Variants in TBC1D23 observed in about 807,000 individuals in gnomAD.
The protein encoded by TBC1D23 is TBC1 domain family member 23, also known as HCV non-structural protein 4A-transactivated protein 1.
In TBC1D23, 55 loss-of-function variants were observed where a neutral mutation model predicts 91.4. The ratio of observed to expected loss-of-function variants is 0.60; its 90% confidence interval spans 0.48 to 0.75. The LOEUF is 0.75. Ranked by LOEUF, TBC1D23 falls within the 30% of genes least tolerant of loss-of-function variation. The pLI, the probability that TBC1D23 is intolerant of heterozygous loss-of-function variation, is 0.00. For missense variants in TBC1D23, 725 were observed against 836.1 expected (o/e 0.87, Z 1.64); for synonymous variants, 289 against 281.0 (o/e 1.03, Z -0.28).
At chr3:100,283,296 A>G (rs1245111336) in intron 3 of TBC1D23, among the ~76,000 whole-genome samples, 1 of 151,892 alleles carries the variant, frequency 6.6e-6, no homozygotes, top group Non-Finnish European at 1.5e-5. Context: ...ATCACTTGAA[A>G]TCGGGAGGTG....
At chr3:100,301,162 C>T (rs1467855083) in intron 10 of TBC1D23, among the ~76,000 whole-genome samples, 4 of 151,038 alleles carry the variant, frequency 2.6e-5, no homozygotes, top group Non-Finnish European at 4.4e-5. Flanking sequence ...TAGAGACCAC[C>T]GTATTGCCCT....
chr3:100,285,043 T>A (rs896708997), intron 4 of TBC1D23, among the ~76,000 whole-genome samples: 3 of 152,234 alleles, frequency 2.0e-5, no homozygotes, highest in African/African-American at 7.2e-5. Context: ...GTATGAGGTA[T>A]AAGTGTTTTG....
At chr3:100,294,543 G>A (rs1307878172) in intron 5 of TBC1D23, among the ~76,000 whole-genome samples, 1 of 152,152 alleles carries the variant, frequency 6.6e-6, no homozygotes, top group African/African-American at 2.4e-5. Flanking sequence ...TTACAGGTGT[G>A]AGCCACTGCG....
intron 11 of TBC1D23, among the ~76,000 whole-genome samples, chr3:100,303,240 A>G (rs942482014): frequency 6.6e-6 from 1 of 152,214 alleles, no homozygotes; most frequent in Admixed American, 6.5e-5. Context: ...ATGGTACACA[A>G]GCCACTCAAT....
chr3:100,284,529 T>C (rs1354152841), intron 4 of TBC1D23, among the ~76,000 whole-genome samples: 3 of 152,016 alleles, frequency 2.0e-5, no homozygotes, highest in Admixed American at 2.0e-4. Context: ...GTGCTGAATG[T>C]TAGAAAGGTG....
chr3:100,262,522 C>G (rs2067520002), intron 1 of TBC1D23, among the ~76,000 whole-genome samples: 1 of 151,946 alleles, frequency 6.6e-6, no homozygotes, highest in Admixed American at 6.6e-5. Flanking sequence ...GTCAGGAGTT[C>G]CAGACCAGCC....
chr3:100,276,933 T>C (rs1460052924), intron 1 of TBC1D23, among the ~76,000 whole-genome samples: 1 of 152,218 alleles, frequency 6.6e-6, no homozygotes, highest in African/African-American at 2.4e-5. Flanking sequence ...TTGTACTTTC[T>C]AGAATAAATG....
intron 1 of TBC1D23, among the ~76,000 whole-genome samples, chr3:100,266,867 G>A (rs2067562320): frequency 6.6e-6 from 1 of 152,172 alleles, no homozygotes; most frequent in Non-Finnish European, 1.5e-5. Context: ...GATGCACAGT[G>A]CTGAAATGTG....
chr3:100,274,814 T>C (rs2067631457), intron 1 of TBC1D23, among the ~76,000 whole-genome samples: 1 of 148,272 alleles, frequency 6.7e-6, no homozygotes, highest in African/African-American at 2.4e-5. Flanking sequence ...TAATTACATA[T>C]ATAAATTAAT....
At chr3:100,281,190 A>G (rs780724481) in intron 2 of TBC1D23, among the ~76,000 whole-genome samples, 205 of 152,248 alleles carry the variant, frequency 1.3e-3, no homozygotes, top group Non-Finnish European at 2.4e-3. Context: ...GTAATTCCTT[A>G]ATATCATAAA....
intron 4 of TBC1D23, among the ~76,000 whole-genome samples, chr3:100,286,598 A>G (rs1036529997): frequency 1.3e-5 from 2 of 152,216 alleles, no homozygotes; most frequent in East Asian, 1.9e-4. Context: ...CCTGGATTCA[A>G]GTGATTCTCA....
chr3:100,306,503 C>CT lies in TBC1D23; in HGVS notation c.1374dup (p.Ser459Ter). ...GAAAATGGATATGGCCATTGGATTG[C>CT]TAGTACCTCAGGCTCAAGGAGCAGT... On this transcript the variant is annotated frameshift_variant, in exon 13 of 19. Coordinates refer to ENST00000394144, the MANE Select transcript of TBC1D23 (RefSeq NM_001199198.3). LOFTEE classifies it high-confidence loss of function. The CT allele has an allele frequency of 6.2e-7, 1 of 1,611,432 alleles. No individual in the cohort carries two copies. Among genetic ancestry groups the CT allele is most frequent in the Non-Finnish European group, 8.5e-7 (1 of 1,177,806 alleles).
At chr3:100,316,395 T>C (rs925301585) in intron 16 of TBC1D23, among the ~76,000 whole-genome samples, 2 of 152,118 alleles carry the variant, frequency 1.3e-5, no homozygotes, top group Admixed American at 6.6e-5. Flanking sequence ...ACATGGCACA[T>C]GTATACATAT....
At chr3:100,310,892 T>A (rs1465386776) in intron 14 of TBC1D23, among the ~76,000 whole-genome samples, 2 of 151,952 alleles carry the variant, frequency 1.3e-5, no homozygotes, top group Non-Finnish European at 2.9e-5. Context: ...TAGTAGGAAC[T>A]TCTTCTTCTG....
chr3:100,287,860 C>T (rs536712877), intron 4 of TBC1D23, among the ~76,000 whole-genome samples: 3 of 151,808 alleles, frequency 2.0e-5, no homozygotes, highest in African/African-American at 7.2e-5. Context: ...CTCAAGTGAT[C>T]CTCCCTCCTC....
At chr3:100,298,945 T>C (rs1216714515) in intron 9 of TBC1D23, among the ~76,000 whole-genome samples, 1 of 152,232 alleles carries the variant, frequency 6.6e-6, no homozygotes, top group Non-Finnish European at 1.5e-5. Context: ...TAATTAGTTT[T>C]ATAATTAATT....
chr3:100,320,768 T>G lies in TBC1D23; in HGVS notation c.1824-9T>G. 6.9e-7 allele frequency: 1 copy of G among 1,443,920 alleles called. No homozygotes were observed. The highest frequency in any genetic ancestry group is 2.6e-5 in the Admixed American group (1 of 38,904). 89.4% of individuals were successfully genotyped at this position (1,443,920 alleles called of 1,614,324 possible). ...ATTCTTTTTCTTTTAATGCTTTTTTTGTCTCAAGTCATCTGTTGGTTACTG... is the reference window on the plus strand; with the variant it reads ...ATTCTTTTTCTTTTAATGCTTTTTTGGTCTCAAGTCATCTGTTGGTTACTG... On this transcript the variant is annotated splice_polypyrimidine_tract_variant and intron_variant, in intron 17 of 18. Transcript: ENST00000394144.
At chr3:100,284,708 A>G (rs2067725027) in intron 4 of TBC1D23, among the ~76,000 whole-genome samples, 1 of 152,108 alleles carries the variant, frequency 6.6e-6, no homozygotes, top group African/African-American at 2.4e-5. Flanking sequence ...TGAGGCCAGA[A>G]AGAATTGTTG....
At chr3:100,271,884 A>G (rs1463302936) in intron 1 of TBC1D23, among the ~76,000 whole-genome samples, 4 of 152,226 alleles carry the variant, frequency 2.6e-5, no homozygotes, top group African/African-American at 7.2e-5. Flanking sequence ...AATGTGACAG[A>G]AAGAGCAAGG....
Sources: allele counts gnomAD v4.1 joint callset (sites outside exome capture counted in the v4.1 genomes callset), GRCh38; gene constraint gnomAD v4.1.1; transcripts MANE v1.5; gene names NCBI Gene and HGNC (gene_info 2026-07-23, HGNC 2026-07-21).